Variants in SARNP observed in about 807,000 individuals in gnomAD.
SARNP encodes SAP domain-containing ribonucleoprotein.
In SARNP, 5 loss-of-function variants were observed where a neutral mutation model predicts 38.1. That is an observed-to-expected ratio of 0.13 (90% confidence interval 0.07 to 0.28). SARNP has a LOEUF of 0.28. Ranked by LOEUF, SARNP falls within the 10% of genes least tolerant of loss-of-function variation. SARNP has a pLI of 1.00. For missense variants in SARNP, 180 were observed against 243.9 expected, an observed-to-expected ratio of 0.74 and a Z score of 1.75; for synonymous variants, 84 against 80.6, an observed-to-expected ratio of 1.04 and a Z score of -0.23.
chr12:55,776,581 A>G (rs1879189106), intron 9 of SARNP, among the ~76,000 whole-genome samples: 1 of 152,086 alleles, frequency 6.6e-6, no homozygotes, highest in East Asian at 1.9e-4. Flanking sequence ...TTTTCCCCCC[A>G]AATGCTTTTG....
intron 9 of SARNP, among the ~76,000 whole-genome samples, chr12:55,786,076 G>A (rs1247095537): frequency 6.6e-6 from 1 of 152,088 alleles, no homozygotes; most frequent in Non-Finnish European, 1.5e-5. Flanking sequence ...AGCCTTCTGT[G>A]GACTAAAAAT....
intron 9 of SARNP, among the ~76,000 whole-genome samples, chr12:55,774,559 G>GAAAA (rs71074857): frequency 1.2e-5 from 1 of 85,898 alleles, no homozygotes; most frequent in Admixed American, 1.3e-4. Flanking sequence ...CGTCTCTACT[G>GAAAA]AAAAAAAAAA....
chr12:55,756,364 C>T (rs956046486), downstream of SARNP: 7 of 152,106 alleles, frequency 4.6e-5, no homozygotes, highest in East Asian at 1.9e-4. Flanking sequence ...ACTTTAGGTC[C>T]CTGCTTTCCT....
chr12:55,775,089 G>A (rs1414169198), intron 9 of SARNP, among the ~76,000 whole-genome samples: 1 of 150,486 alleles, frequency 6.6e-6, no homozygotes, highest in East Asian at 2.0e-4. Flanking sequence ...GGGTTTCACC[G>A]TGTTAGCCAG....
intron 7 of SARNP, 28 bp from the exon 8 acceptor site, chr12:55,790,620 A>G (rs1879638757): frequency 6.8e-6 from 10 of 1,475,440 alleles, no homozygotes; most frequent in South Asian, 1.4e-5. Flanking sequence ...GTTTTATTTA[A>G]TATTTTTAAA....
At chr12:55,770,201 G>C (rs1878963745) in intron 9 of SARNP, among the ~76,000 whole-genome samples, 1 of 151,184 alleles carries the variant, frequency 6.6e-6, no homozygotes, top group Admixed American at 6.6e-5. Flanking sequence ...AAAGAGAGAG[G>C]AAAGAGTCAT....
At chr12:55,766,616 C>CTGG (rs1878838230) in intron 9 of SARNP, among the ~76,000 whole-genome samples, 1 of 38,106 alleles carries the variant, frequency 2.6e-5, no homozygotes, top group South Asian at 1.6e-3. Flanking sequence ...GTTTTTTTGG[C>CTGG]GGGGGGGGGG....
At chr12:55,776,964 G>A (rs1879199381) in intron 9 of SARNP, among the ~76,000 whole-genome samples, 1 of 152,154 alleles carries the variant, frequency 6.6e-6, no homozygotes, top group Non-Finnish European at 1.5e-5. Flanking sequence ...CTCCCTTTCA[G>A]GCTGTGTTTA....
chr12:55,772,931 T>A (rs1592560664), intron 9 of SARNP, among the ~76,000 whole-genome samples: 1 of 152,030 alleles, frequency 6.6e-6, no homozygotes, highest in African/African-American at 2.4e-5. Context: ...GCCAGGCTGG[T>A]CTCTAACTTC....
In SARNP at chr12:55,817,713, T is replaced by C. The variant is rs368837317; in HGVS notation, c.-12A>G. 5.0e-6 allele frequency: 8 copies of C among 1,612,366 alleles called. No individual in the cohort carries two copies. Among genetic ancestry groups the C allele is most frequent in the Non-Finnish European group, 5.9e-6 (7 of 1,179,382 alleles). On this transcript the variant is annotated 5_prime_UTR_variant, in exon 1 of 11. Coordinates refer to ENST00000336133, the MANE Select transcript of SARNP (RefSeq NM_033082.4). Reference sequence around the variant, plus strand: ...GTCTCGGTCGCCATCTTGTTACCCCTCACTCCACTAGGCCCCCACCCGCGG... The same window carrying C: ...GTCTCGGTCGCCATCTTGTTACCCCCCACTCCACTAGGCCCCCACCCGCGG...
chr12:55,773,048 C>T (rs1879059062), intron 9 of SARNP, among the ~76,000 whole-genome samples: 1 of 152,192 alleles, frequency 6.6e-6, no homozygotes, highest in African/African-American at 2.4e-5. Context: ...GACGTGAATG[C>T]TGTCTTAGCC....
chr12:55,782,956 C>G (rs1879381950), intron 9 of SARNP, among the ~76,000 whole-genome samples: 1 of 151,908 alleles, frequency 6.6e-6, no homozygotes, highest in Non-Finnish European at 1.5e-5. Flanking sequence ...ACAAAAAATA[C>G]TAAAATTAGC....
chr12:55,758,905 C>CTTT (rs1161845803), intron 10 of SARNP, among the ~76,000 whole-genome samples: 3 of 136,650 alleles, frequency 2.2e-5, no homozygotes, highest in East Asian at 2.1e-4. Flanking sequence ...GCCTAATATA[C>CTTT]TTTTTTTTTT....
intron 5 of SARNP, 77 bp downstream of exon 5, chr12:55,795,948 G>T: frequency 3.0e-6 from 3 of 1,014,508 alleles, no homozygotes; most frequent in South Asian, 1.5e-5. Flanking sequence ...AAATTTTAGA[G>T]GATGATGCAG....
At chr12:55,791,510 T>C (rs2136195398) in intron 7 of SARNP, among the ~76,000 whole-genome samples, 1 of 152,104 alleles carries the variant, frequency 6.6e-6, no homozygotes, top group South Asian at 2.1e-4. Flanking sequence ...GCCTGACCAA[T>C]ATGGTGAAAT....
At chr12:55,796,441 C>T (rs1330840390) in intron 4 of SARNP, among the ~76,000 whole-genome samples, 2 of 152,146 alleles carry the variant, frequency 1.3e-5, no homozygotes, top group South Asian at 2.1e-4. Flanking sequence ...TTGCTCTTGT[C>T]GCCCAGGCTG....
intron 9 of SARNP, among the ~76,000 whole-genome samples, chr12:55,780,227 T>C (rs552774853): frequency 6.6e-6 from 1 of 151,698 alleles, no homozygotes; most frequent in Non-Finnish European, 1.5e-5. Context: ...CCAAGGTGGA[T>C]AGATCACAAG....
intron 9 of SARNP, among the ~76,000 whole-genome samples, chr12:55,782,372 T>C (rs1393673310): frequency 6.6e-6 from 1 of 152,210 alleles, no homozygotes; most frequent in Non-Finnish European, 1.5e-5. Context: ...CCCATGTAGA[T>C]GGATTTCCTA....
chr12:55,808,825 C>G (rs924886170), intron 1 of SARNP, among the ~76,000 whole-genome samples: 1 of 150,236 alleles, frequency 6.7e-6, no homozygotes, highest in Non-Finnish European at 1.5e-5. Flanking sequence ...GATGTAATTT[C>G]TTTTTGCACG....
Sources: gnomAD v4.1 joint callset for allele counts (sites outside exome capture counted in the v4.1 genomes callset) on GRCh38, gnomAD v4.1.1 for gene constraint, MANE v1.5 for transcripts, NCBI Gene and HGNC (gene_info 2026-07-23, HGNC 2026-07-21) for gene names.